Variants in STAB2 observed in about 807,000 individuals in gnomAD.
The protein encoded by STAB2 is stabilin 2.
STAB2 carries 288 observed loss-of-function variants against 338.1 expected under a neutral mutation model. The observed-to-expected ratio is 0.85, with a 90% CI of 0.77 to 0.94. The LOEUF (loss-of-function observed/expected upper bound fraction) is 0.94, where lower values mean the gene tolerates loss of function less well. Among genes scored for constraint, STAB2 ranks in the 40% least tolerant of loss-of-function variants. The pLI is 0.00. For missense variants in STAB2, 3,141 were observed against 3,210.1 expected (o/e 0.98, Z 0.52); for synonymous variants, 1,202 against 1,193.3 (o/e 1.01, Z -0.15).
chr12:103,602,154 C>T (rs79232012), intron 3 of STAB2, among the ~76,000 whole-genome samples: 1,932 of 152,232 alleles, frequency 0.013, 52 homozygotes, highest in African/African-American at 0.043. Context: ...AAATACTAAC[C>T]TGTTTTCTGT....
chr12:103,604,406 G>T (rs189553118), intron 3 of STAB2, among the ~76,000 whole-genome samples: 2 of 151,904 alleles, frequency 1.3e-5, no homozygotes, highest in African/African-American at 4.8e-5. Flanking sequence ...TTCCCTCTTC[G>T]ATTACCTGGA....
intron 57 of STAB2, among the ~76,000 whole-genome samples, chr12:103,745,809 A>G (rs1882982387): frequency 6.6e-6 from 1 of 152,222 alleles, no homozygotes; most frequent in African/African-American, 2.4e-5. Flanking sequence ...TGAAGTTCCC[A>G]GTGTACGCAG....
At chr12:103,677,335 CCTCA>C in intron 24 of STAB2, 114 bp from the exon 25 acceptor site, 1 of 1,343,722 alleles carries the variant, frequency 7.4e-7, no homozygotes, top group Admixed American at 2.3e-5. Flanking sequence ...AGCATTTCCA[CCTCA>C]CTCAATGCAA....
At chr12:103,678,491 C>A (rs1343527491) in intron 25 of STAB2, among the ~76,000 whole-genome samples, 2 of 152,184 alleles carry the variant, frequency 1.3e-5, no homozygotes, top group Non-Finnish European at 2.9e-5. Context: ...CCTTCCCTTT[C>A]CTTCATGGAG....
In STAB2 at chr12:103,688,199, T is replaced by G; in HGVS notation, c.3029T>G (p.Phe1010Cys). ...ELSFLSEAAI[F>C]NRWINNASLQ... ...TCATTTCTCTCCGAAGCAGCTATAT[T>G]TAACCGATGGATAAATGTGAGTACC... Residue 1010 changes from phenylalanine (F) to cysteine (C), a missense_variant, in exon 28 of 69, where the codon TTT (phenylalanine) becomes TGT (cysteine). Phe to Cys is a radical substitution (Grantham distance 205, BLOSUM62 -2). Coordinates refer to ENST00000388887, the MANE Select transcript of STAB2 (RefSeq NM_017564.10). The G allele has an allele frequency of 6.2e-7, 1 of 1,613,914 alleles. No individual in the cohort carries two copies. Among genetic ancestry groups the G allele is most frequent in the Admixed American group, 1.7e-5 (1 of 60,010 alleles).
intron 9 of STAB2, among the ~76,000 whole-genome samples, chr12:103,641,409 C>A (rs892121489): frequency 1.3e-5 from 2 of 152,162 alleles, no homozygotes; most frequent in Admixed American, 6.5e-5. Flanking sequence ...TACCTCCCAC[C>A]AGGGCTGTGC....
chr12:103,648,552 C>T, intron 9 of STAB2, 138 bp from the exon 10 acceptor site: 2 of 1,096,382 alleles, frequency 1.8e-6, no homozygotes, highest in South Asian at 2.1e-5. Flanking sequence ...TGTCAGATAC[C>T]ACACTAGGAA....
chr12:103,712,325 G>A, intron 40 of STAB2, 42 bp from the exon 41 acceptor site: 2 of 1,457,982 alleles, frequency 1.4e-6, no homozygotes, highest in Non-Finnish European at 1.9e-6. Flanking sequence ...GTGGGAGGTG[G>A]AGTATTTTTC....
At chr12:103,680,783 G>T (rs1046221993) in intron 25 of STAB2, among the ~76,000 whole-genome samples, 1 of 152,254 alleles carries the variant, frequency 6.6e-6, no homozygotes, top group Non-Finnish European at 1.5e-5. Flanking sequence ...GGGAGTGATG[G>T]TGTCCCCAGA....
intron 25 of STAB2, among the ~76,000 whole-genome samples, chr12:103,678,041 G>A (rs1876549032): frequency 6.6e-6 from 1 of 152,100 alleles, no homozygotes; most frequent in Non-Finnish European, 1.5e-5. Flanking sequence ...ACTACACTAG[G>A]ATTGTGGCAA....
In STAB2 at chr12:103,748,999, C is replaced by A. The variant is rs763821416; in HGVS notation, c.6281C>A (p.Ala2094Glu). The A allele has an allele frequency of 3.1e-6, 5 of 1,614,036 alleles. No individual in the cohort carries two copies. The highest frequency in any genetic ancestry group is 4.2e-6 in the Non-Finnish European group (5 of 1,179,982). ...DFCKQDNGGC[A>E]KVARCSQKGT... is the part of the protein sequence containing the mutation. ...TGCAAACAGGACAACGGGGGCTGTGCAAAGGTGGCCAGATGCTCCCAGAAG... is the reference window on the plus strand; with the variant it reads ...TGCAAACAGGACAACGGGGGCTGTGAAAAGGTGGCCAGATGCTCCCAGAAG... Residue 2094 changes from alanine (A) to glutamate (E), a missense_variant, in exon 59 of 69, where the codon GCA (alanine) becomes GAA (glutamate). Transcript: ENST00000388887.
intron 24 of STAB2, 37 bp downstream of exon 24, chr12:103,676,058 CTTTTTTTTTTTTTT>C: frequency 1.5e-6 from 1 of 668,074 alleles, no homozygotes; most frequent in South Asian, 2.2e-5. Context: ...TGCCTGGTTT[CTTTTTTTTTTTTTT>C]TTTTTTTGAG....
In STAB2 at chr12:103,757,030, T is replaced by A. The variant is rs924219104; in HGVS notation, c.6988-1140T>A. Among the ~76,000 whole-genome samples, 99 of 143,056 alleles carry A rather than the reference T, an allele frequency of 6.9e-4. 1 individual carries two copies. Among genetic ancestry groups the A allele is most frequent in the Middle Eastern group, 3.6e-3 (1 of 276 alleles). 93.9% of individuals were successfully genotyped at this position (143,056 alleles called of 152,430 possible). A position where few individuals can be genotyped will look rare whatever the true frequency, so the allele number is the denominator to read the frequency against. ...ATATATATATATATATATATATATATAAAATATATATATTAAAGTATGTAA... is the reference window on the plus strand; with the variant it reads ...ATATATATATATATATATATATATAAAAAATATATATATTAAAGTATGTAA... On this transcript the variant is annotated intron_variant, in intron 63 of 68. Transcript: ENST00000388887.
chr12:103,749,745 C>T (rs1883431057), intron 59 of STAB2, among the ~76,000 whole-genome samples: 1 of 143,122 alleles, frequency 7.0e-6, no homozygotes, highest in African/African-American at 2.6e-5. Flanking sequence ...GAGGCTGAGG[C>T]AGGAGAATGG....
At position 103,640,166 on chromosome 12, in the gene STAB2, G is replaced by A. The variant is rs1872810945; in HGVS notation, c.950G>A (p.Gly317Glu). Residue 317 changes from glycine to glutamate, a missense_variant, in exon 9 of 69, where the codon GGA becomes GAA. Gly to Glu is a moderately conservative substitution (Grantham distance 98). Transcript: ENST00000388887. The stretch of plus-strand genomic sequence containing the variant: ...GAGCATTACCAGAATTTCGTACCTG[G>A]AGTGGGGTGCAGTATGACTGATATA... Reference protein sequence around the residue: ...CKEHYQNFVPGVGCSMTDICK... With the variant: ...CKEHYQNFVPEVGCSMTDICK... 6.2e-7 allele frequency: 1 copy of A among 1,613,456 alleles called. No individual in the cohort carries two copies. Among genetic ancestry groups the A allele is most frequent in the Non-Finnish European group, 8.5e-7 (1 of 1,179,666 alleles).
intron 38 of STAB2, among the ~76,000 whole-genome samples, chr12:103,707,765 C>T (rs914068798): frequency 3.9e-5 from 6 of 152,176 alleles, no homozygotes; most frequent in African/African-American, 1.4e-4. Context: ...TTCTCCTCAG[C>T]TGGTCTAAGC....
chr12:103,699,104 C>G lies in STAB2; in HGVS notation c.3591C>G (p.Asp1197Glu), dbSNP rs201227143. 2.0e-5 allele frequency: 32 copies of G among 1,607,996 alleles called. No homozygotes were observed. The highest frequency in any genetic ancestry group is 2.6e-5 in the Non-Finnish European group (30 of 1,175,850). Reference protein sequence around the residue: ...REKKVLSLEEDVLRYHVVLEE... With the variant: ...REKKVLSLEEEVLRYHVVLEE... ...TTCTGTGTGTGATCCAGGAGGAGGACGTCCTCCGGTATCATGTGGTCCTGG... is the reference window on the plus strand; with the variant it reads ...TTCTGTGTGTGATCCAGGAGGAGGAGGTCCTCCGGTATCATGTGGTCCTGG... The change falls in exon 34 of 69, where the codon GAC becomes GAG. Residue 1197 changes from aspartate (D) to glutamate (E), a missense_variant. Transcript: ENST00000388887.
At chr12:103,602,809 G>C (rs894708544) in intron 3 of STAB2, among the ~76,000 whole-genome samples, 1 of 152,132 alleles carries the variant, frequency 6.6e-6, no homozygotes, top group East Asian at 1.9e-4. Flanking sequence ...TTAGATGTGT[G>C]CTTTGTAAAT....
intron 5 of STAB2, among the ~76,000 whole-genome samples, chr12:103,624,813 C>T (rs1957355250): frequency 2.0e-5 from 3 of 151,910 alleles, no homozygotes; most frequent in Non-Finnish European, 4.4e-5. Context: ...TGGTGCGCAC[C>T]TGAAATCCCA....
Sources: gnomAD v4.1 joint callset for allele counts (sites outside exome capture counted in the v4.1 genomes callset) on GRCh38, gnomAD v4.1.1 for gene constraint, MANE v1.5 for transcripts, NCBI Gene and HGNC (gene_info 2026-07-23, HGNC 2026-07-21) for gene names.